The following FHOD3 variants were observed in gnomAD, a reference collection of about 807,000 sequenced individuals.
FHOD3 encodes formin homology 2 domain containing 3, also known as FH1/FH2 domain-containing protein 3.
In FHOD3, 90 loss-of-function variants were observed where a neutral mutation model predicts 173.0. The ratio of observed to expected loss-of-function variants is 0.52; its 90% CI spans 0.44 to 0.62. FHOD3 has a LOEUF of 0.62. Ranked by LOEUF, FHOD3 falls within the 20% of genes least tolerant of loss-of-function variation. FHOD3 has a pLI of 0.00. For missense variants in FHOD3, 1,945 were observed against 2,034.7 expected, an observed-to-expected ratio of 0.96 and a Z score of 0.85; for synonymous variants, 828 against 823.0, an observed-to-expected ratio of 1.01 and a Z score of -0.10.
chr18:36,635,630 G>A (rs550614022), intron 10 of FHOD3, among the ~76,000 whole-genome samples: 114 of 152,302 alleles, frequency 7.5e-4, no homozygotes, highest in Non-Finnish European at 1.4e-3. Flanking sequence ...AAAGACAAAG[G>A]GGCCTGAGGT....
At chr18:36,468,241 CGAA>C (rs2053063771) in intron 3 of FHOD3, among the ~76,000 whole-genome samples, 1 of 152,090 alleles carries the variant, frequency 6.6e-6, no homozygotes, top group African/African-American at 2.4e-5. Context: ...TCTGCAGTGC[CGAA>C]GCCATAGGGA....
At position 36,779,929 on chromosome 18, in the gene FHOD3, C is replaced by T; in HGVS notation, c.*399C>T. 1 of 427,786 alleles carries T rather than the reference C, an allele frequency of 2.3e-6. No homozygotes were observed. Among genetic ancestry groups the T allele is most frequent in the Non-Finnish European group, 4.0e-6 (1 of 249,200 alleles). The allele number at this position is 427,786 out of a possible 1,614,324, so 26.5% of individuals were successfully genotyped here. A position where few individuals can be genotyped will look rare whatever the true frequency, so the allele number is the denominator to read the frequency against. ...AACACCAAAATATCCAGATGTAAAC[C>T]CCAAACTTGTACACAAAAGAAAGCA... On this transcript the variant is annotated 3_prime_UTR_variant, in exon 29 of 29. Coordinates refer to ENST00000590592, the MANE Select transcript of FHOD3 (RefSeq NM_001281740.3).
At chr18:36,583,599 C>T (rs1310125650) in intron 6 of FHOD3, among the ~76,000 whole-genome samples, 2 of 152,080 alleles carry the variant, frequency 1.3e-5, no homozygotes, top group African/African-American at 4.8e-5. Context: ...TGCTGTGTGG[C>T]TGTGCACCGC....
rs773646639 is a variant in FHOD3, at chr18:36,718,059, G to C, written c.2761G>C (p.Glu921Gln). ...GCAGGCCAACTCTCAGACCCAGGAT[G>C]AGAGTGTCAGGAGGGTGGATGTCGG... Reference protein sequence around the residue: ...TLQANSQTQDESVRRVDVGCL... With the variant: ...TLQANSQTQDQSVRRVDVGCL... Residue 921 changes from glutamate to glutamine, a missense_variant, in exon 19 of 29, where the codon GAG becomes CAG. Transcript: ENST00000590592. 1 of 1,600,742 alleles carries C rather than the reference G, an allele frequency of 6.2e-7. No homozygotes were observed. Among genetic ancestry groups the C allele is most frequent in the South Asian group, 1.1e-5 (1 of 88,552 alleles).
chr18:36,779,266 T>A (rs986965195), intron 28 of FHOD3, 182 bp from the exon 29 acceptor site: 2 of 591,174 alleles, frequency 3.4e-6, no homozygotes, highest in African/African-American at 3.7e-5. Context: ...CAAACTTTTG[T>A]CCTGGCAGAC....
At chr18:36,370,078 T>C (rs1380826943) in intron 2 of FHOD3, among the ~76,000 whole-genome samples, 1 of 152,176 alleles carries the variant, frequency 6.6e-6, no homozygotes, top group Non-Finnish European at 1.5e-5. Context: ...ACAGATGCCC[T>C]GTTGTGAACC....
Position 36,760,622 on chromosome 18 carries a change from C to T in FHOD3, c.4464C>T (p.Ser1488=), listed in dbSNP as rs1427980447. The change falls in exon 27 of 29, where the codon TCC becomes TCT. Residue 1488 remains serine, a synonymous_variant. Transcript: ENST00000590592. ...EEEEVESGKF[S]GSSPAPPSQP... Reference sequence around the variant, plus strand: ...TGGTTTTGCAGTCTGGCAAGTTCTCCGGCAGTTCTCCGGCGCCCCCAAGCC... The same window carrying T: ...TGGTTTTGCAGTCTGGCAAGTTCTCTGGCAGTTCTCCGGCGCCCCCAAGCC... The T allele has an allele frequency of 8.2e-6, 13 of 1,582,472 alleles. No homozygotes were observed. Among genetic ancestry groups the T allele is most frequent in the Non-Finnish European group, 1.1e-5 (13 of 1,161,522 alleles).
chr18:36,461,297 A>G (rs2052534607), intron 3 of FHOD3, among the ~76,000 whole-genome samples: 1 of 152,140 alleles, frequency 6.6e-6, no homozygotes, highest in Non-Finnish European at 1.5e-5. Flanking sequence ...GGGAGAAGGA[A>G]CTCACCAATA....
chr18:36,697,840 T>A (rs1383233260), intron 17 of FHOD3, among the ~76,000 whole-genome samples: 1 of 152,258 alleles, frequency 6.6e-6, no homozygotes, highest in Non-Finnish European at 1.5e-5. Context: ...TGATTTTTCC[T>A]GTGGGCATCC....
chr18:36,399,411 T>C (rs1360181104), intron 3 of FHOD3, among the ~76,000 whole-genome samples: 1 of 152,246 alleles, frequency 6.6e-6, no homozygotes, highest in Admixed American at 6.5e-5. Flanking sequence ...AGTTTTCTGA[T>C]GTGGATTAAT....
intron 10 of FHOD3, among the ~76,000 whole-genome samples, chr18:36,649,039 A>G (rs1156717308): frequency 6.6e-6 from 1 of 152,188 alleles, no homozygotes; most frequent in Non-Finnish European, 1.5e-5. Flanking sequence ...GGGTAGTGGC[A>G]TCTAGCCAGC....
At chr18:36,530,314 G>T (rs768910602) in intron 5 of FHOD3, among the ~76,000 whole-genome samples, 9 of 152,076 alleles carry the variant, frequency 5.9e-5, no homozygotes, top group Non-Finnish European at 1.0e-4. Context: ...GCTTCTCCTT[G>T]CCTGATGCTT....
At chr18:36,744,311 C>A in intron 23 of FHOD3, 118 bp downstream of exon 23, 1 of 979,702 alleles carries the variant, frequency 1.0e-6, no homozygotes, top group Non-Finnish European at 1.5e-6. Flanking sequence ...TGCCTGCATT[C>A]TCTGCTCTGG....
intron 5 of FHOD3, among the ~76,000 whole-genome samples, chr18:36,554,722 C>G (rs1599636622): frequency 6.6e-6 from 1 of 152,172 alleles, no homozygotes; most frequent in African/African-American, 2.4e-5. Context: ...CGATCCCTTT[C>G]TGGTAAAAAT....
At chr18:36,384,648 T>C (rs2047943656) in intron 3 of FHOD3, among the ~76,000 whole-genome samples, 1 of 152,026 alleles carries the variant, frequency 6.6e-6, no homozygotes, top group Non-Finnish European at 1.5e-5. Flanking sequence ...ATATATTGAG[T>C]ATTGATTTGT....
rs566893126 is a variant in FHOD3, at chr18:36,348,261, A to G, written c.166-7278A>G. 1.6e-4 allele frequency among the ~76,000 whole-genome samples: 24 copies of G among 152,288 alleles called. No individual in the cohort carries two copies. The South Asian group carries it at 4.8e-3, about 30-fold the overall frequency. On this transcript the variant is annotated intron_variant, in intron 1 of 28. Transcript: ENST00000590592. ...ATGGCTGCCTAGCAACAAAAGTACC[A>G]TTTGAGGGGGGAAACAGGCATAGCT...
At chr18:36,534,017 C>T (rs754721854) in intron 5 of FHOD3, among the ~76,000 whole-genome samples, 35 of 152,148 alleles carry the variant, frequency 2.3e-4, no homozygotes, top group Admixed American at 5.9e-4. Context: ...AGAAGCTCAC[C>T]GCCCTTAGAG....
chr18:36,307,470 A>G (rs753275882), intron 1 of FHOD3, among the ~76,000 whole-genome samples: 30 of 152,240 alleles, frequency 2.0e-4, no homozygotes, highest in Non-Finnish European at 3.7e-4. Context: ...GATAGTGTCT[A>G]CGGGGGCTGC....
chr18:36,728,845 A>T (rs1423968208), intron 19 of FHOD3, among the ~76,000 whole-genome samples: 5 of 152,260 alleles, frequency 3.3e-5, no homozygotes, highest in Admixed American at 2.6e-4. Flanking sequence ...AGGAGATCAG[A>T]TGATGAGTGG....
Sources: gnomAD v4.1 joint callset for allele counts (sites outside exome capture counted in the v4.1 genomes callset) on GRCh38, gnomAD v4.1.1 for gene constraint, MANE v1.5 for transcripts, NCBI Gene and HGNC (gene_info 2026-07-23, HGNC 2026-07-21) for gene names.